The following INSR variants were observed in gnomAD, a reference collection of about 807,000 sequenced individuals.
INSR encodes the protein IR.
A neutral mutation model predicts 142.6 loss-of-function variants in INSR; 67 were observed. That is an observed-to-expected ratio of 0.47 (90% CI 0.39 to 0.58). INSR has a LOEUF of 0.58. INSR is among the 20% of genes least tolerant of loss of function. The pLI, the probability that INSR is intolerant of heterozygous loss-of-function variation, is 0.00. For missense variants in INSR, 1,248 were observed against 1,833.2 expected (o/e 0.68, Z 5.83); for synonymous variants, 756 against 743.1 (o/e 1.02, Z -0.28).
At chr19:7,235,147 T>C (rs1976118044) in intron 2 of INSR, among the ~76,000 whole-genome samples, 1 of 152,142 alleles carries the variant, frequency 6.6e-6, no homozygotes, top group African/African-American at 2.4e-5. Flanking sequence ...TATTCAATCA[T>C]CACTTGCAAT....
At position 7,151,162 on chromosome 19, in the gene INSR, C is replaced by CTCTCTTTCCTTTCTTTTCTTTTCTT. The variant is rs1555740370; in HGVS notation, c.2232-631_2232-630insAAGAAAAGAAAAGAAAGGAAAGAGA. Among the ~76,000 whole-genome samples the CTCTCTTTCCTTTCTTTTCTTTTCTT allele has an allele frequency of 1.1e-4, 5 of 45,850 alleles. No homozygotes were observed. In the South Asian group the frequency reaches 2.8e-3, roughly 26 times the overall value. 30.1% of individuals were successfully genotyped at this position (45,850 alleles called of 152,430 possible). A position where few individuals can be genotyped will look rare whatever the true frequency, so the allele number is the denominator to read the frequency against. On this transcript the variant is annotated intron_variant, in intron 10 of 21. Transcript: ENST00000302850. ...CTTTCTCTCTTTCCTTTCTTTCTTT[C>CTCTCTTTCCTTTCTTTTCTTTTCTT]TCTTTCTTTCTTTCTTTCTTTCTTT...
chr19:7,127,350 T>C (rs1002352610), intron 15 of INSR, among the ~76,000 whole-genome samples: 2 of 152,174 alleles, frequency 1.3e-5, no homozygotes, highest in Non-Finnish European at 2.9e-5. Flanking sequence ...ACAAGCATCA[T>C]TAAAGATTAA....
chr19:7,123,175 T>A, intron 17 of INSR, 186 bp from the exon 18 acceptor site: 1 of 594,516 alleles, frequency 1.7e-6, no homozygotes, highest in South Asian at 2.0e-5. Flanking sequence ...TGTATTTTTT[T>A]TTTTTTAATT....
At chr19:7,120,556 T>C in intron 20 of INSR, 64 bp downstream of exon 20, 1 of 1,605,202 alleles carries the variant, frequency 6.2e-7, no homozygotes, top group African/African-American at 1.3e-5. Flanking sequence ...TCCCCCGCTC[T>C]TGGCTCTCAC....
chr19:7,132,385 C>T, intron 13 of INSR, 68 bp from the exon 14 acceptor site: 2 of 1,549,954 alleles, frequency 1.3e-6, no homozygotes, highest in South Asian at 1.2e-5. Context: ...CCACCCCTCG[C>T]AGGGAGCTCA....
chr19:7,122,116 TG>T (rs1972505281), intron 19 of INSR, among the ~76,000 whole-genome samples: 2 of 145,958 alleles, frequency 1.4e-5, no homozygotes, highest in Non-Finnish European at 3.0e-5. Context: ...CACTCCAGCC[TG>T]GGCGACAGAG....
At chr19:7,154,451 C>T (rs951377764) in intron 9 of INSR, among the ~76,000 whole-genome samples, 3 of 148,972 alleles carry the variant, frequency 2.0e-5, no homozygotes, top group Non-Finnish European at 4.5e-5. Context: ...TACAGGCGGC[C>T]GCTGCCACGC....
At chr19:7,223,808 C>G (rs4804415) in intron 2 of INSR, among the ~76,000 whole-genome samples, 149,575 of 152,246 alleles carry the variant, frequency 0.98, 73,568 homozygotes, top group Middle Eastern at 1. Context: ...CTCAATAACT[C>G]TATACAGCTG....
chr19:7,146,593 G>T (rs1030904257), intron 11 of INSR, among the ~76,000 whole-genome samples: 2 of 152,048 alleles, frequency 1.3e-5, no homozygotes, highest in Non-Finnish European at 2.9e-5. Context: ...AAATGAACTG[G>T]GATAACTTTT....
At position 7,216,656 on chromosome 19, in the gene INSR, C is replaced by T. The variant is rs555993311; in HGVS notation, c.653-32019G>A. Among the ~76,000 whole-genome samples the T allele has an allele frequency of 7.2e-4, 109 of 152,290 alleles. No homozygotes were observed. The highest frequency in any genetic ancestry group is 3.9e-3 in the South Asian group (19 of 4,822). ...GCAAGGCCATCAGGATGCTGGGGCC[C>T]CGTATCCACCTCTCACCAAGGCCCT... On this transcript the variant is annotated intron_variant, in intron 2 of 21. Coordinates refer to ENST00000302850, the MANE Select transcript of INSR (RefSeq NM_000208.4). The surrounding 1 kb of genome is among the most constrained non-coding windows in gnomAD (Gnocchi z 4.2).
Position 7,119,450 on chromosome 19 carries a change from C to A in INSR, c.3793G>T (p.Val1265Phe). 6.2e-7 allele frequency: 1 copy of A among 1,614,200 alleles called. No homozygotes were observed. Among genetic ancestry groups the A allele is most frequent in the Admixed American group, 1.7e-5 (1 of 60,024 alleles). The change falls in exon 21 of 22, where the codon GTC becomes TTC. Residue 1265 changes from valine to phenylalanine, a missense_variant and splice_region_variant. Transcript: ENST00000302850. This position sits in a 1 kb window ranked among gnomAD's most constrained non-coding sequence, Gnocchi z 5.2. ...ACCTTAAACCCTTTCTACACTTACA[C>A]TCTCTCTGGACAGTTGTCGGGTTGA... ...LDQPDNCPERVTDLMRMCWQF... is the reference protein window; with the variant it reads ...LDQPDNCPERFTDLMRMCWQF...
At chr19:7,157,493 G>C (rs556331710) in intron 9 of INSR, among the ~76,000 whole-genome samples, 6 of 137,378 alleles carry the variant, frequency 4.4e-5, no homozygotes, top group African/African-American at 1.7e-4. Context: ...AAACTCCTGA[G>C]CTCGAACGAT....
intron 3 of INSR, among the ~76,000 whole-genome samples, chr19:7,176,119 C>T (rs968935574): frequency 1.1e-4 from 17 of 152,138 alleles, no homozygotes; most frequent in African/African-American, 4.1e-4. Context: ...ATAGCATTAT[C>T]GTGGCGATAT....
Position 7,293,792 on chromosome 19 carries a change from C to A in INSR, c.100G>T (p.Val34Leu). 1 of 1,361,590 alleles carries A rather than the reference C, an allele frequency of 7.3e-7. No individual in the cohort carries two copies. Among genetic ancestry groups the A allele is most frequent in the Non-Finnish European group, 9.5e-7 (1 of 1,052,384 alleles). 84.3% of individuals were successfully genotyped at this position (1,361,590 alleles called of 1,614,324 possible). A position where few individuals can be genotyped will look rare whatever the true frequency, so the allele number is the denominator to read the frequency against. ...CCCACGCCCGCGCCCCCAGACTCAC[C>A]CTCTCCGGGGTACAGGTGGCCCGCG... Reference protein sequence around the residue: ...GAAGHLYPGEVCPGMDIRNNL... With the variant: ...GAAGHLYPGELCPGMDIRNNL... The change falls in exon 1 of 22, where the codon GTG (valine) becomes TTG (leucine). Residue 34 changes from valine (V) to leucine (L), a missense_variant and splice_region_variant. Around this residue, in one of 3 missense-constraint regions of INSR, gnomAD observed 57 missense variants for 49.5 expected, o/e 1.15. Transcript: ENST00000302850.
Position 7,166,489 on chromosome 19 carries a change from T to G in INSR, c.1611-85A>C. On this transcript the variant is annotated intron_variant, in intron 7 of 21. Transcript: ENST00000302850. The surrounding 1 kb of genome is among the most constrained non-coding windows in gnomAD (Gnocchi z 4.1). ...TGCAGATGAGGCCTGGGAAGTTACATCCCATAGGGTCACATGTTACTCACC... is the reference window on the plus strand; with the variant it reads ...TGCAGATGAGGCCTGGGAAGTTACAGCCCATAGGGTCACATGTTACTCACC... 1 of 1,424,004 alleles carries G rather than the reference T, an allele frequency of 7.0e-7. No homozygotes were observed. Among genetic ancestry groups the G allele is most frequent in the Non-Finnish European group, 9.7e-7 (1 of 1,029,964 alleles). The allele number at this position is 1,424,004 out of a possible 1,614,324, so 88.2% of individuals were successfully genotyped here.
intron 2 of INSR, among the ~76,000 whole-genome samples, chr19:7,262,019 A>G (rs1259705660): frequency 9.2e-5 from 14 of 152,208 alleles, no homozygotes; most frequent in Admixed American, 7.9e-4. Flanking sequence ...AGACAAAAAT[A>G]GCAACTACGG....
At chr19:7,279,361 G>A (rs1190810269) in intron 1 of INSR, among the ~76,000 whole-genome samples, 1 of 151,538 alleles carries the variant, frequency 6.6e-6, no homozygotes, top group African/African-American at 2.4e-5. Context: ...AATGAAGAAG[G>A]TACTGAAGAC....
chr19:7,273,007 A>G (rs1967966877), intron 1 of INSR, among the ~76,000 whole-genome samples: 1 of 152,086 alleles, frequency 6.6e-6, no homozygotes, highest in African/African-American at 2.4e-5. Flanking sequence ...GGGGATGGAA[A>G]GTAGTAGCTA....
At chr19:7,157,442 T>TTTTG (rs1973625192) in intron 9 of INSR, among the ~76,000 whole-genome samples, 1 of 149,618 alleles carries the variant, frequency 6.7e-6, no homozygotes, top group Non-Finnish European at 1.5e-5. Context: ...TTTTTTTTTT[T>TTTTG]GGTAGAGACA....
Sources: allele counts gnomAD v4.1 joint callset (sites outside exome capture counted in the v4.1 genomes callset), GRCh38; gene constraint gnomAD v4.1.1; regional missense constraint gnomAD v4.1.1; non-coding constraint Gnocchi (gnomAD v3.1); transcripts MANE v1.5; gene names NCBI Gene and HGNC (gene_info 2026-07-23, HGNC 2026-07-21).